The following KIT variants were observed in gnomAD, a reference collection of about 807,000 sequenced individuals.
The protein encoded by KIT is mast/stem cell growth factor receptor Kit.
A neutral mutation model predicts 105.7 loss-of-function variants in KIT; 16 were observed. That is an observed-to-expected ratio of 0.15 (90% CI 0.10 to 0.23). KIT has a LOEUF of 0.23. Ranked by LOEUF, KIT falls within the 10% of genes least tolerant of loss-of-function variation. The pLI, the probability that KIT is intolerant of heterozygous loss-of-function variation, is 1.00. For missense variants in KIT, 858 were observed against 1,213.8 expected, an observed-to-expected ratio of 0.71 and a Z score of 4.36; for synonymous variants, 438 against 441.1, an observed-to-expected ratio of 0.99 and a Z score of 0.09.
At position 54,678,355 on chromosome 4, in the gene KIT, TC is replaced by T. The variant is rs1718660404; in HGVS notation, c.68-17154del. ...TTCCTTCCTTCCTTCCTTCCTTCCCTCCCTCCCTCCCTCCCTCCCTCCCCCA... is the reference window on the plus strand; with the variant it reads ...TTCCTTCCTTCCTTCCTTCCTTCCCTCCTCCCTCCCTCCCTCCCTCCCCCA... On this transcript the variant is annotated intron_variant, in intron 1 of 20. Coordinates refer to ENST00000288135, the MANE Select transcript of KIT (RefSeq NM_000222.3). Among the ~76,000 whole-genome samples, 2 of 49,444 alleles carry T rather than the reference TC, an allele frequency of 4.0e-5. 1 individual carries two copies. The highest frequency in any genetic ancestry group is 7.6e-5 in the Non-Finnish European group (2 of 26,196). The allele number at this position is 49,444 out of a possible 152,430, so 32.4% of individuals were successfully genotyped here.
intron 1 of KIT, among the ~76,000 whole-genome samples, chr4:54,682,718 C>T (rs1402303430): frequency 6.6e-6 from 1 of 150,994 alleles, no homozygotes; most frequent in East Asian, 1.9e-4. Flanking sequence ...ATGTGAGCCA[C>T]TGCGCCCGGC....
At position 54,727,240 on chromosome 4, in the gene KIT, G is replaced by A. The variant is rs2109773826; in HGVS notation, c.1563G>A (p.Leu521=). 1 of 1,614,058 alleles carries A rather than the reference G, an allele frequency of 6.2e-7. No individual in the cohort carries two copies. The highest frequency in any genetic ancestry group is 1.3e-5 in the African/African-American group (1 of 75,010). Residue 521 remains leucine, a synonymous_variant, in exon 10 of 21, where the codon CTG becomes CTA. Coordinates refer to ENST00000288135, the MANE Select transcript of KIT (RefSeq NM_000222.3). The part of the protein sequence containing the change: ...NNKEQIHPHT[L]FTPLLIGFVI... ...TAGAGCAAATCCATCCCCACACCCTGTTCACTCCTTTGCTGATTGGTTTCG... is the reference window on the plus strand; with the variant it reads ...TAGAGCAAATCCATCCCCACACCCTATTCACTCCTTTGCTGATTGGTTTCG...
chr4:54,665,450 T>C (rs976855985), intron 1 of KIT, among the ~76,000 whole-genome samples: 2 of 152,008 alleles, frequency 1.3e-5, no homozygotes, highest in East Asian at 3.9e-4. Context: ...TATCTCTGAG[T>C]GAAGGGGTAG....
intron 1 of KIT, among the ~76,000 whole-genome samples, chr4:54,661,205 A>T (rs540703714): frequency 1.3e-5 from 2 of 152,324 alleles, no homozygotes; most frequent in East Asian, 1.9e-4. Flanking sequence ...ATAATGGCTG[A>T]TGTCATTGGC....
chr4:54,694,193 A>T (rs1234907360), intron 1 of KIT, among the ~76,000 whole-genome samples: 1 of 151,992 alleles, frequency 6.6e-6, no homozygotes, highest in Non-Finnish European at 1.5e-5. Flanking sequence ...GTTTCTGAAT[A>T]ACTCTAGAGG....
chr4:54,731,189 T>C, intron 14 of KIT, 139 bp from the exon 15 acceptor site: 1 of 713,314 alleles, frequency 1.4e-6, no homozygotes, highest in Non-Finnish European at 2.6e-6. Flanking sequence ...TCAAACTCTT[T>C]ATTCAAACTT....
rs1217246971 is a variant in KIT, at chr4:54,736,731, C to G, written c.2607C>G (p.Pro869=). 6.2e-7 allele frequency: 1 copy of G among 1,613,992 alleles called. No individual in the cohort carries two copies. Among genetic ancestry groups the G allele is most frequent in the Non-Finnish European group, 8.5e-7 (1 of 1,179,950 alleles). ...LWELFSLGSS[P]YPGMPVDSKF... is the part of the protein sequence containing the mutation. Reference sequence around the variant, plus strand: ...CAAACTGTGTCTCAGGAAGCAGCCCCTATCCTGGAATGCCGGTCGATTCTA... The same window carrying G: ...CAAACTGTGTCTCAGGAAGCAGCCCGTATCCTGGAATGCCGGTCGATTCTA... Residue 869 remains proline, a synonymous_variant, in exon 19 of 21, where the codon CCC becomes CCG. Transcript: ENST00000288135.
intron 1 of KIT, among the ~76,000 whole-genome samples, chr4:54,685,994 C>T (rs1246162917): frequency 6.6e-6 from 1 of 152,214 alleles, no homozygotes; most frequent in African/African-American, 2.4e-5. Context: ...CCCCACTGGG[C>T]TGTGAGCCCC....
At chr4:54,697,156 T>C (rs944437423) in intron 2 of KIT, among the ~76,000 whole-genome samples, 3 of 152,118 alleles carry the variant, frequency 2.0e-5, no homozygotes, top group Non-Finnish European at 2.9e-5. Flanking sequence ...CTACAAAGAG[T>C]AGATAAAACA....
chr4:54,695,199 G>A (rs1473079233), intron 1 of KIT, among the ~76,000 whole-genome samples: 20 of 152,128 alleles, frequency 1.3e-4, no homozygotes, highest in African/African-American at 1.7e-4. Flanking sequence ...TCCACACTGC[G>A]AAGATGGCCC....
At chr4:54,684,401 G>A (rs1462993312) in intron 1 of KIT, among the ~76,000 whole-genome samples, 2 of 152,126 alleles carry the variant, frequency 1.3e-5, no homozygotes, top group Non-Finnish European at 2.9e-5. Flanking sequence ...GCCCAAAATG[G>A]GCTTCTGCAC....
chr4:54,703,263 C>T (rs1720566206), intron 4 of KIT, among the ~76,000 whole-genome samples: 1 of 152,082 alleles, frequency 6.6e-6, no homozygotes. Flanking sequence ...CATTGTGATT[C>T]TGTTTTCATT....
chr4:54,699,944 A>G (rs985486547), intron 4 of KIT, among the ~76,000 whole-genome samples, 178 bp downstream of exon 4: 5 of 152,204 alleles, frequency 3.3e-5, no homozygotes, highest in African/African-American at 1.2e-4. Context: ...GGAGATATAT[A>G]CATTTATTAT....
chr4:54,715,844 C>G (rs184139050), intron 7 of KIT, among the ~76,000 whole-genome samples: 196 of 152,350 alleles, frequency 1.3e-3, no homozygotes, highest in Non-Finnish European at 2.4e-3. Flanking sequence ...GAATCTCCAA[C>G]TACCTTTATC....
chr4:54,720,728 A>T (rs780837709), intron 7 of KIT, among the ~76,000 whole-genome samples: 1 of 152,200 alleles, frequency 6.6e-6, no homozygotes, highest in Non-Finnish European at 1.5e-5. Context: ...ATGTAGTGTT[A>T]TGAGCATTAG....
chr4:54,734,038 G>A (rs1347478562), intron 17 of KIT, among the ~76,000 whole-genome samples: 2 of 152,006 alleles, frequency 1.3e-5, no homozygotes, highest in East Asian at 1.9e-4. Context: ...GCCTGTACTC[G>A]ATTTGGTTTT....
At chr4:54,659,059 C>A (rs1309999073) in intron 1 of KIT, among the ~76,000 whole-genome samples, 1 of 152,062 alleles carries the variant, frequency 6.6e-6, no homozygotes, top group Non-Finnish European at 1.5e-5. Flanking sequence ...CCGGTGTCTG[C>A]GACCTGTATT....
chr4:54,672,410 A>G (rs1718176257), intron 1 of KIT, among the ~76,000 whole-genome samples: 1 of 151,050 alleles, frequency 6.6e-6, no homozygotes, highest in Non-Finnish European at 1.5e-5. Context: ...TTTTTGCTAG[A>G]TTTGTATTTT....
chr4:54,687,961 T>C (rs1459765315), intron 1 of KIT, among the ~76,000 whole-genome samples: 1 of 152,140 alleles, frequency 6.6e-6, no homozygotes, highest in African/African-American at 2.4e-5. Flanking sequence ...AGTACATGCG[T>C]GATGAAAGGT....
Sources: gnomAD v4.1 joint callset for allele counts (sites outside exome capture counted in the v4.1 genomes callset) on GRCh38, gnomAD v4.1.1 for gene constraint, MANE v1.5 for transcripts, NCBI Gene and HGNC (gene_info 2026-07-23, HGNC 2026-07-21) for gene names.